Variants in LHFPL3 observed in about 807,000 individuals in gnomAD.
The protein encoded by LHFPL3 is LHFPL tetraspan subfamily member 3.
In LHFPL3, 5 loss-of-function variants were observed where a neutral mutation model predicts 19.3. That is an observed-to-expected ratio of 0.26 (90% CI 0.14 to 0.54). LHFPL3 has a LOEUF of 0.54. LHFPL3 is among the 20% of genes least tolerant of loss of function. The probability of loss-of-function intolerance (pLI) is 0.94; values close to 1 mark genes in which losing one functional copy is unlikely to be tolerated. For missense variants in LHFPL3, 249 were observed against 307.4 expected (o/e 0.81, Z 1.42); for synonymous variants, 133 against 126.2 (o/e 1.05, Z -0.36).
In LHFPL3 at chr7:104,874,405, T is replaced by C. The variant is rs1279069463; in HGVS notation, c.683-31782T>C. Reference sequence around the variant, plus strand: ...AAAAGGAATGCTTTTTTTTTTTTTTTTGGGGGGGGGACAGAGTCTCGTTCT... The same window carrying C: ...AAAAGGAATGCTTTTTTTTTTTTTTCTGGGGGGGGGACAGAGTCTCGTTCT... On this transcript the variant is annotated intron_variant, in intron 2 of 2. Transcript: ENST00000424859. 1.6e-3 allele frequency among the ~76,000 whole-genome samples: 219 copies of C among 141,198 alleles called. 3 individuals carry two copies. In the East Asian group the frequency reaches 0.036, roughly 23 times the overall value. The allele number at this position is 141,198 out of a possible 152,430, so 92.6% of individuals were successfully genotyped here.
intron 1 of LHFPL3, among the ~76,000 whole-genome samples, chr7:104,380,436 A>G (rs957143377): frequency 6.6e-6 from 1 of 152,176 alleles, no homozygotes; most frequent in Non-Finnish European, 1.5e-5. Context: ...ATTCATAGGT[A>G]TGAATAGAAA....
intron 1 of LHFPL3, among the ~76,000 whole-genome samples, chr7:104,398,848 C>CCA (rs1554387984): frequency 7.4e-5 from 8 of 108,768 alleles, no homozygotes; most frequent in African/African-American, 2.5e-4. Flanking sequence ...ATGCCCGCCC[C>CCA]CCGGCCCTGA....
At chr7:104,578,548 T>C (rs1790391114) in intron 1 of LHFPL3, among the ~76,000 whole-genome samples, 1 of 152,228 alleles carries the variant, frequency 6.6e-6, no homozygotes, top group South Asian at 2.1e-4. Flanking sequence ...TATTACATTA[T>C]ATTATATCAT....
intron 1 of LHFPL3, among the ~76,000 whole-genome samples, chr7:104,517,271 G>C (rs773980444): frequency 3.3e-5 from 5 of 151,876 alleles, no homozygotes; most frequent in South Asian, 2.1e-4. Context: ...CAACAAACCT[G>C]CACATGTACC....
At chr7:104,532,981 T>G (rs1794330763) in intron 1 of LHFPL3, among the ~76,000 whole-genome samples, 1 of 152,134 alleles carries the variant, frequency 6.6e-6, no homozygotes, top group African/African-American at 2.4e-5. Context: ...GAAGAGGAGA[T>G]CACCTTCCCA....
intron 2 of LHFPL3, among the ~76,000 whole-genome samples, chr7:104,849,667 T>C (rs1791378432): frequency 6.6e-6 from 1 of 152,268 alleles, no homozygotes; most frequent in Non-Finnish European, 1.5e-5. Context: ...GACAGCCATA[T>C]AGAAATGTGA....
At chr7:104,531,416 C>T (rs566650355) in intron 1 of LHFPL3, among the ~76,000 whole-genome samples, 3 of 152,298 alleles carry the variant, frequency 2.0e-5, no homozygotes, top group African/African-American at 7.2e-5. Flanking sequence ...GAGGGGTAAA[C>T]TTCTGCTGAT....
intron 1 of LHFPL3, among the ~76,000 whole-genome samples, chr7:104,616,605 A>G (rs1288167241): frequency 1.3e-5 from 2 of 152,210 alleles, no homozygotes; most frequent in Non-Finnish European, 2.9e-5. Context: ...AAACACCAAA[A>G]GCAATGGCAA....
intron 2 of LHFPL3, among the ~76,000 whole-genome samples, chr7:104,831,146 AC>A (rs1377555027): frequency 6.6e-6 from 1 of 152,016 alleles, no homozygotes; most frequent in African/African-American, 2.4e-5. Flanking sequence ...GACCACATTC[AC>A]CTTTACAAAT....
intron 2 of LHFPL3, among the ~76,000 whole-genome samples, chr7:104,892,622 A>C (rs184737648): frequency 6.6e-6 from 1 of 150,994 alleles, no homozygotes; most frequent in East Asian, 2.0e-4. Context: ...GAGGCAAGAG[A>C]ATCACCTGAA....
intron 1 of LHFPL3, among the ~76,000 whole-genome samples, chr7:104,630,746 G>T (rs1791624647): frequency 6.6e-6 from 1 of 152,122 alleles, no homozygotes; most frequent in Non-Finnish European, 1.5e-5. Context: ...ACCAGGGAAG[G>T]TTGGATATAA....
chr7:104,415,388 A>G (rs1217765267), intron 1 of LHFPL3, among the ~76,000 whole-genome samples: 3 of 152,192 alleles, frequency 2.0e-5, no homozygotes, highest in African/African-American at 4.8e-5. Flanking sequence ...CCTTTCCCCA[A>G]TACTGATTTT....
At chr7:104,410,075 A>C (rs1028069562) in intron 1 of LHFPL3, among the ~76,000 whole-genome samples, 1 of 151,998 alleles carries the variant, frequency 6.6e-6, no homozygotes, top group African/African-American at 2.4e-5. Context: ...TCCTTAACTA[A>C]CCAGCTGCGT....
At position 104,548,601 on chromosome 7, in the gene LHFPL3, A is replaced by G. The variant is rs919943002; in HGVS notation, c.446-188074A>G. Among the ~76,000 whole-genome samples, 5 of 152,310 alleles carry G rather than the reference A, an allele frequency of 3.3e-5. No homozygotes were observed. The South Asian group carries it at 1.0e-3, about 32-fold the overall frequency. ...AAATAAAGATGGAACGAAATAAAGAACTTTTTGCTGGAGAAAAATACGTTC... is the reference window on the plus strand; with the variant it reads ...AAATAAAGATGGAACGAAATAAAGAGCTTTTTGCTGGAGAAAAATACGTTC... On this transcript the variant is annotated intron_variant, in intron 1 of 2. Transcript: ENST00000424859.
At chr7:104,741,194 C>G (rs1462169461) in intron 2 of LHFPL3, among the ~76,000 whole-genome samples, 1 of 152,118 alleles carries the variant, frequency 6.6e-6, no homozygotes, top group Non-Finnish European at 1.5e-5. Context: ...TCAGTGTCCC[C>G]CTTCAATGCC....
chr7:104,807,011 ATGTGTGTGTGTGTG>A lies in LHFPL3; in HGVS notation c.682+70130_682+70143del, dbSNP rs10665231. On this transcript the variant is annotated intron_variant, in intron 2 of 2. Coordinates refer to ENST00000424859, the MANE Select transcript of LHFPL3 (RefSeq NM_199000.3). Reference sequence around the variant, plus strand: ...TGAATTGTGCCCCACCAAAATATATATGTGTGTGTGTGTGTGTGTGTGTGTGTGTGTGTGTGTGT... The same window carrying A: ...TGAATTGTGCCCCACCAAAATATATATGTGTGTGTGTGTGTGTGTGTGTGT... 1.6e-3 allele frequency among the ~76,000 whole-genome samples: 228 copies of A among 139,734 alleles called. 1 individual carries two copies. Among genetic ancestry groups the A allele is most frequent in the African/African-American group, 2.1e-3 (78 of 37,476 alleles). The allele number at this position is 139,734 out of a possible 152,430, so 91.7% of individuals were successfully genotyped here.
chr7:104,567,061 T>C (rs1296928158), intron 1 of LHFPL3, among the ~76,000 whole-genome samples: 5 of 152,226 alleles, frequency 3.3e-5, no homozygotes, highest in Admixed American at 6.5e-5. Context: ...GACAGCTATA[T>C]ATTTTCCATA....
chr7:104,673,492 T>A (rs1410700593), intron 1 of LHFPL3, among the ~76,000 whole-genome samples: 1 of 152,264 alleles, frequency 6.6e-6, no homozygotes, highest in East Asian at 1.9e-4. Context: ...TGGTAGTTAC[T>A]GTCTTTGCAC....
At chr7:104,677,702 C>T (rs1792619091) in intron 1 of LHFPL3, among the ~76,000 whole-genome samples, 1 of 152,190 alleles carries the variant, frequency 6.6e-6, no homozygotes, top group South Asian at 2.1e-4. Context: ...CTATGCTGTC[C>T]AGTTCAGTAG....
Sources: allele counts gnomAD v4.1 joint callset (sites outside exome capture counted in the v4.1 genomes callset), GRCh38; gene constraint gnomAD v4.1.1; transcripts MANE v1.5; gene names NCBI Gene and HGNC (gene_info 2026-07-23, HGNC 2026-07-21).